TMEM272: variants seen among roughly 807,000 people sequenced by gnomAD.
TMEM272 encodes the protein long intergenic non-protein coding RNA 282.
A neutral mutation model predicts 3.7 loss-of-function variants in TMEM272; 8 were observed. That is an observed-to-expected ratio of 2.17 (90% CI 1.27 to 3.91). TMEM272 has a LOEUF of 3.91. Ranked by LOEUF, TMEM272 falls within the 30% of genes most tolerant of loss-of-function variation. The pLI, the probability that TMEM272 is intolerant of heterozygous loss-of-function variation, is 0.00. For synonymous variants in TMEM272, 63 were observed against 39.8 expected (o/e 1.58, Z -2.20); for missense variants, 166 against 91.5 (o/e 1.81, Z -3.32).
chr13:51,845,452 G>A (rs1336386024), upstream of TMEM272, among the ~76,000 whole-genome samples: 1 of 152,216 alleles, frequency 6.6e-6, no homozygotes, highest in East Asian at 1.9e-4. Flanking sequence ...GGTGGCACAC[G>A]AGAAAGGGTG....
At chr13:51,847,958 T>C (rs1271109207), upstream of TMEM272, among the ~76,000 whole-genome samples, 1 of 152,166 alleles carries the variant, frequency 6.6e-6, no homozygotes, top group African/African-American at 2.4e-5. Context: ...CAGACAACTG[T>C]ACTTATGAGT....
chr13:51,893,612 C>T, the TMEM272 span, among the ~76,000 whole-genome samples: 6 of 152,080 alleles, frequency 3.9e-5, no homozygotes, highest in East Asian at 1.9e-4. Flanking sequence ...ACACCGTATG[C>T]GCTTCTGCTT....
intron 1 of TMEM272, among the ~76,000 whole-genome samples, chr13:51,841,242 G>T (rs1268216267): frequency 6.6e-6 from 1 of 152,240 alleles, no homozygotes; most frequent in African/African-American, 2.4e-5. Flanking sequence ...ATAACAGGGA[G>T]AGTGTGTACT....
At chr13:51,842,553 A>C (rs1355232845) in intron 1 of TMEM272, among the ~76,000 whole-genome samples, 3 of 152,248 alleles carry the variant, frequency 2.0e-5, no homozygotes, top group Non-Finnish European at 4.4e-5. Context: ...CAGAAAAATT[A>C]GATCAAGGAG....
At chr13:51,903,755 C>T in the TMEM272 span, among the ~76,000 whole-genome samples, 1 of 152,140 alleles carries the variant, frequency 6.6e-6, no homozygotes. Flanking sequence ...GGGGCAAAGG[C>T]TGCCCCAGAA....
At chr13:51,930,915 T>C in the TMEM272 span, among the ~76,000 whole-genome samples, 1 of 152,170 alleles carries the variant, frequency 6.6e-6, no homozygotes. Context: ...TCTAGCAGAA[T>C]AATTTGAGAA....
In TMEM272 at chr13:51,819,463, C is replaced by T. The variant is rs554422178; in HGVS notation, c.202-2350G>A. ...CGTGTCCCCAGATCTGGCTGCCCTC[C>T]CAGGACTGGTTCTTGGCTACAATGA... On this transcript the variant is annotated intron_variant, in intron 4 of 4. Transcript: ENST00000629372. 9.2e-5 allele frequency among the ~76,000 whole-genome samples: 14 copies of T among 152,306 alleles called. No homozygotes were observed. The South Asian group carries it at 2.9e-3, about 32-fold the overall frequency.
At chr13:51,885,500 C>A in the TMEM272 span, among the ~76,000 whole-genome samples, 1 of 152,174 alleles carries the variant, frequency 6.6e-6, no homozygotes, top group African/African-American at 2.4e-5. Context: ...ATGGGGTAAA[C>A]TGCCCCCATG....
intron 1 of TMEM272, among the ~76,000 whole-genome samples, chr13:51,840,957 C>T (rs1376910650): frequency 1.3e-5 from 2 of 152,200 alleles, no homozygotes; most frequent in Non-Finnish European, 2.9e-5. Context: ...GGTGCACATC[C>T]GTTTGTTACA....
At chr13:51,894,026 G>C in the TMEM272 span, among the ~76,000 whole-genome samples, 1 of 152,198 alleles carries the variant, frequency 6.6e-6, no homozygotes, top group Non-Finnish European at 1.5e-5. Flanking sequence ...AGACAGGCCA[G>C]CAAGTTTCTA....
chr13:51,820,729 G>A (rs774484299), intron 4 of TMEM272, among the ~76,000 whole-genome samples: 5 of 152,178 alleles, frequency 3.3e-5, no homozygotes, highest in East Asian at 1.9e-4. Flanking sequence ...CACTCAAACC[G>A]TTAGAGCCTT....
At chr13:51,913,645 C>A in the TMEM272 span, among the ~76,000 whole-genome samples, 1 of 152,290 alleles carries the variant, frequency 6.6e-6, no homozygotes, top group Non-Finnish European at 1.5e-5. Flanking sequence ...AGTCTGCAGC[C>A]ATTATGGTGC....
the TMEM272 span, among the ~76,000 whole-genome samples, chr13:51,923,773 C>G: frequency 6.6e-6 from 1 of 151,910 alleles, no homozygotes; most frequent in Non-Finnish European, 1.5e-5. Flanking sequence ...GAGGAGAGGA[C>G]AGGGGGACAA....
chr13:51,930,105 G>A, the TMEM272 span, among the ~76,000 whole-genome samples: 1 of 145,210 alleles, frequency 6.9e-6, no homozygotes, highest in Admixed American at 7.1e-5. Context: ...TCCTTTTGGG[G>A]CTGGGGAGGG....
At chr13:51,910,543 G>T in the TMEM272 span, 2 of 705,420 alleles carry the variant, frequency 2.8e-6, no homozygotes, top group Non-Finnish European at 5.4e-6. Flanking sequence ...ACACCTTCAG[G>T]CAGTGCTGCC....
chr13:51,863,486 G>A, the TMEM272 span, among the ~76,000 whole-genome samples: 2 of 152,112 alleles, frequency 1.3e-5, no homozygotes, highest in Non-Finnish European at 2.9e-5. Context: ...CAGGGGCATG[G>A]TTTCAGGAAA....
At chr13:51,845,554 G>A (rs901467206), upstream of TMEM272, among the ~76,000 whole-genome samples, 6 of 152,166 alleles carry the variant, frequency 3.9e-5, no homozygotes, top group African/African-American at 1.4e-4. Flanking sequence ...GGACTGCCAC[G>A]TAGAAAAGGG....
At chr13:51,825,196 C>G (rs539419676) in intron 3 of TMEM272, among the ~76,000 whole-genome samples, 1 of 152,322 alleles carries the variant, frequency 6.6e-6, no homozygotes, top group South Asian at 2.1e-4. Context: ...CACTCTTACA[C>G]TAAATGGCCC....
chr13:51,924,238 A>G, the TMEM272 span, among the ~76,000 whole-genome samples: 1 of 151,990 alleles, frequency 6.6e-6, no homozygotes. Flanking sequence ...CCCACTGTTT[A>G]AAACAAAACA....
Sources: gnomAD v4.1 joint callset for allele counts (sites outside exome capture counted in the v4.1 genomes callset) on GRCh38, gnomAD v4.1.1 for gene constraint, MANE v1.5 for transcripts, NCBI Gene and HGNC (gene_info 2026-07-23, HGNC 2026-07-21) for gene names.